Variants in PDE10A observed in about 807,000 individuals in gnomAD.
The protein encoded by PDE10A is cAMP and cAMP-inhibited cGMP 3',5'-cyclic phosphodiesterase 10A.
PDE10A carries 39 observed loss-of-function variants against 97.7 expected under a neutral mutation model. The ratio of observed to expected loss-of-function variants is 0.40; its 90% CI spans 0.31 to 0.52. The LOEUF (loss-of-function observed/expected upper bound fraction) is 0.52. Among genes scored for constraint, PDE10A ranks in the 20% least tolerant of loss-of-function variants. The pLI is 0.56. For missense variants in PDE10A, 731 were observed against 1,047.8 expected, an observed-to-expected ratio of 0.70 and a Z score of 4.17; for synonymous variants, 371 against 376.8, an observed-to-expected ratio of 0.98 and a Z score of 0.18.
chr6:165,722,883 T>TATATAC (rs1554311954), intron 1 of PDE10A, among the ~76,000 whole-genome samples: 19 of 149,142 alleles, frequency 1.3e-4, no homozygotes, highest in African/African-American at 4.5e-4. Flanking sequence ...TATATATATA[T>TATATAC]ACACACACAC....
intron 1 of PDE10A, among the ~76,000 whole-genome samples, chr6:165,895,705 G>C (rs1447955803): frequency 6.6e-6 from 1 of 152,146 alleles, no homozygotes; most frequent in Non-Finnish European, 1.5e-5. Flanking sequence ...CCCACCCCTA[G>C]TTCCTGCTCT....
intron 1 of PDE10A, among the ~76,000 whole-genome samples, chr6:165,743,241 T>C (rs1215895404): frequency 1.3e-5 from 2 of 152,224 alleles, no homozygotes; most frequent in African/African-American, 4.8e-5. Flanking sequence ...AAAACCTTTC[T>C]ATTTGGGAAA....
intron 1 of PDE10A, among the ~76,000 whole-genome samples, chr6:165,579,085 G>A (rs1278353417): frequency 6.6e-6 from 1 of 152,204 alleles, no homozygotes; most frequent in East Asian, 1.9e-4. Context: ...ACCTTTTAGG[G>A]AAGTCAAAAA....
At chr6:165,494,538 T>TA (rs1562519787) in intron 2 of PDE10A, among the ~76,000 whole-genome samples, 4 of 139,858 alleles carry the variant, frequency 2.9e-5, no homozygotes, top group African/African-American at 8.2e-5. Flanking sequence ...ATATATATAT[T>TA]TATTTATTTA....
intron 1 of PDE10A, among the ~76,000 whole-genome samples, chr6:165,771,596 A>C (rs2128459956): frequency 6.6e-6 from 1 of 151,040 alleles, no homozygotes; most frequent in East Asian, 2.0e-4. Context: ...AAAAATGGCC[A>C]GAAAAATCCA....
rs1365605783 is a variant in PDE10A, at chr6:165,357,754, CTTAA to C, written c.2784-14256_2784-14253del. Among the ~76,000 whole-genome samples the C allele has an allele frequency of 4.0e-5, 6 of 151,436 alleles. No homozygotes were observed. In the East Asian group the frequency reaches 7.7e-4, roughly 19 times the overall value. On this transcript the variant is annotated intron_variant, in intron 18 of 21. Transcript: ENST00000539869. ...TGGTGTTAATATTTTCTTTTTTTTC[CTTAA>C]TTAGTCAGAATTGTATCCATTTTAA...
At chr6:165,796,290 G>A (rs563910594) in intron 1 of PDE10A, among the ~76,000 whole-genome samples, 153 of 152,052 alleles carry the variant, frequency 1.0e-3, no homozygotes, top group Non-Finnish European at 1.1e-3. Flanking sequence ...GTTTCACCGT[G>A]TTAGCCAGGA....
At chr6:165,945,760 A>T (rs1432969470) in intron 1 of PDE10A, among the ~76,000 whole-genome samples, 1 of 152,230 alleles carries the variant, frequency 6.6e-6, no homozygotes, top group African/African-American at 2.4e-5. Context: ...CTAGCCTAAG[A>T]CATTTGCTAT....
At chr6:165,844,316 T>C (rs1780346211) in intron 1 of PDE10A, among the ~76,000 whole-genome samples, 2 of 152,316 alleles carry the variant, frequency 1.3e-5, no homozygotes, top group Admixed American at 6.5e-5. Context: ...AGAGGAAAGC[T>C]GACCTGTTCC....
At position 165,905,807 on chromosome 6, in the gene PDE10A, A is replaced by G. The variant is rs76876689; in HGVS notation, c.-615+81722T>C. Among the ~76,000 whole-genome samples, 626 of 152,270 alleles carry G rather than the reference A, an allele frequency of 4.1e-3. 3 individuals carry two copies. Among genetic ancestry groups the G allele is most frequent in the African/African-American group, 0.015 (604 of 41,562 alleles). Reference sequence around the variant, plus strand: ...AGACTGCATGCAACAGTGACAGCACATGGGGTTTCCCAGATGTCAGGTTTA... The same window carrying G: ...AGACTGCATGCAACAGTGACAGCACGTGGGGTTTCCCAGATGTCAGGTTTA... On this transcript the variant is annotated intron_variant, in intron 1 of 19. Transcript: ENST00000366882.
chr6:165,790,477 A>G (rs1778617029), intron 1 of PDE10A, among the ~76,000 whole-genome samples: 1 of 152,194 alleles, frequency 6.6e-6, no homozygotes, highest in South Asian at 2.1e-4. Flanking sequence ...TAAAATTGTA[A>G]TAAGCCAATA....
intron 13 of PDE10A, among the ~76,000 whole-genome samples, chr6:165,404,040 G>A (rs1448326032): frequency 1.3e-5 from 2 of 152,102 alleles, no homozygotes; most frequent in African/African-American, 4.8e-5. Context: ...ATAATTTATT[G>A]TGTATTTCAA....
rs1253975488 is a variant in PDE10A, at chr6:165,418,790, G to A, written c.1654-13C>T. ...TTTTTGCATATATCTAAAGACAAATGACAAAATAAGAGGAAGACAATGAGA... is the reference window on the plus strand; with the variant it reads ...TTTTTGCATATATCTAAAGACAAATAACAAAATAAGAGGAAGACAATGAGA... On this transcript the variant is annotated splice_polypyrimidine_tract_variant and intron_variant, in intron 10 of 21. Transcript: ENST00000539869. The surrounding 1 kb of genome is among the most constrained non-coding windows in gnomAD (Gnocchi z 4.8). 1 of 1,607,682 alleles carries A rather than the reference G, an allele frequency of 6.2e-7. No individual in the cohort carries two copies. The highest frequency in any genetic ancestry group is 1.3e-5 in the African/African-American group (1 of 74,694).
At chr6:165,641,635 C>T (rs1166043414) in intron 1 of PDE10A, among the ~76,000 whole-genome samples, 1 of 152,178 alleles carries the variant, frequency 6.6e-6, no homozygotes, top group African/African-American at 2.4e-5. Context: ...ATTTAGAGTG[C>T]CTTGGGGGCA....
intron 13 of PDE10A, among the ~76,000 whole-genome samples, chr6:165,413,038 A>G (rs1788005558): frequency 6.6e-6 from 1 of 152,158 alleles, no homozygotes; most frequent in South Asian, 2.1e-4. Context: ...GTTAACACCG[A>G]GAATGCATGT....
intron 1 of PDE10A, among the ~76,000 whole-genome samples, chr6:165,953,495 G>A (rs1403939571): frequency 1.3e-5 from 2 of 152,078 alleles, no homozygotes; most frequent in East Asian, 3.9e-4. Context: ...GGAAGCTGAG[G>A]CAGGAGAATT....
chr6:165,750,886 C>A (rs1188160018), intron 1 of PDE10A, among the ~76,000 whole-genome samples: 2 of 152,202 alleles, frequency 1.3e-5, no homozygotes, highest in African/African-American at 4.8e-5. Flanking sequence ...GTGCTCAGGA[C>A]ACACAGCATG....
chr6:165,416,456 GA>G (rs1157097292), intron 11 of PDE10A, among the ~76,000 whole-genome samples, 175 bp from the exon 12 acceptor site: 1 of 152,112 alleles, frequency 6.6e-6, no homozygotes, highest in Non-Finnish European at 1.5e-5. Flanking sequence ...AAATAAAGCA[GA>G]AAACCATTAC....
chr6:165,861,085 C>A (rs1235894920), intron 1 of PDE10A, among the ~76,000 whole-genome samples: 1 of 152,188 alleles, frequency 6.6e-6, no homozygotes, highest in Non-Finnish European at 1.5e-5. Flanking sequence ...TCTAACAGGG[C>A]TTTGTTTCCA....
Sources: gnomAD v4.1 joint callset for allele counts (sites outside exome capture counted in the v4.1 genomes callset) on GRCh38, gnomAD v4.1.1 for gene constraint, Gnocchi (gnomAD v3.1) non-coding constraint, MANE v1.5 for transcripts, NCBI Gene and HGNC (gene_info 2026-07-23, HGNC 2026-07-21) for gene names.